NEURL1: variants seen among roughly 807,000 people sequenced by gnomAD.
The protein encoded by NEURL1 is E3 ubiquitin-protein ligase NEURL1.
NEURL1 carries 26 observed loss-of-function variants against 41.2 expected under a neutral mutation model. That is an observed-to-expected ratio of 0.63 (90% CI 0.46 to 0.87). The LOEUF (loss-of-function observed/expected upper bound fraction) is 0.87. Among genes scored for constraint, NEURL1 ranks in the 40% least tolerant of loss-of-function variants. The pLI, the probability that NEURL1 is intolerant of heterozygous loss-of-function variation, is 0.00. For synonymous variants in NEURL1, 400 were observed against 402.3 expected (o/e 0.99, Z 0.07); for missense variants, 761 against 871.1 (o/e 0.87, Z 1.59).
chr10:103,548,842 G>A (rs993992416), intron 1 of NEURL1, among the ~76,000 whole-genome samples: 3 of 152,160 alleles, frequency 2.0e-5, no homozygotes, highest in African/African-American at 4.8e-5. Context: ...AGAAGAGATG[G>A]TGGAGCCTCA....
rs796658971 is a variant in NEURL1 at position 103,566,982 on chromosome 10, CTTTT to C, written c.86-3879_86-3876del. On this transcript the variant is annotated intron_variant, in intron 1 of 5. Transcript: ENST00000369780. This position sits in a 1 kb window ranked among gnomAD's most constrained non-coding sequence, Gnocchi z 4.2. ...GAAACTTTGTTTCTTTTCTTTCTTT[CTTTT>C]TTTTTTTTTTGTTTGAGACAGAGTC... is the stretch of plus-strand genomic sequence containing the variant. 7.0e-6 allele frequency among the ~76,000 whole-genome samples: 1 copy of C among 142,446 alleles called. No homozygotes were observed. The highest frequency in any genetic ancestry group is 1.5e-5 in the Non-Finnish European group (1 of 64,740). 93.5% of individuals were successfully genotyped at this position (142,446 alleles called of 152,430 possible).
intron 1 of NEURL1, among the ~76,000 whole-genome samples, chr10:103,561,257 T>C (rs2035285895): frequency 6.6e-6 from 1 of 150,986 alleles, no homozygotes; most frequent in African/African-American, 2.4e-5. Flanking sequence ...ACTTCCTCTG[T>C]ATTCCTTTTT....
At position 103,545,527 on chromosome 10, in the gene NEURL1, C is replaced by T. The variant is rs1289369590; in HGVS notation, c.86-25345C>T. Reference sequence around the variant, plus strand: ...GGCACTGCATGGACCCCATTACTCACAGGTACCTCTGTGCCTGGGGATCTT... The same window carrying T: ...GGCACTGCATGGACCCCATTACTCATAGGTACCTCTGTGCCTGGGGATCTT... On this transcript the variant is annotated intron_variant, in intron 1 of 5. Transcript: ENST00000369780. The surrounding 1 kb of genome is among the most constrained non-coding windows in gnomAD (Gnocchi z 4.5). Among the ~76,000 whole-genome samples, 1 of 152,190 alleles carries T rather than the reference C, an allele frequency of 6.6e-6. No individual in the cohort carries two copies. Among genetic ancestry groups the T allele is most frequent in the East Asian group, 1.9e-4 (1 of 5,206 alleles).
At chr10:103,540,366 T>G (rs2034794620) in intron 1 of NEURL1, among the ~76,000 whole-genome samples, 1 of 152,162 alleles carries the variant, frequency 6.6e-6, no homozygotes, top group Non-Finnish European at 1.5e-5. Flanking sequence ...CTCAGCTCAC[T>G]GCAACCTCTA....
At chr10:103,569,215 A>C (rs539175742) in intron 1 of NEURL1, among the ~76,000 whole-genome samples, 13 of 152,374 alleles carry the variant, frequency 8.5e-5, no homozygotes. Flanking sequence ...GAAGCCCTGC[A>C]GTTGCTCCAT....
chr10:103,498,699 A>T (rs1179817887), intron 1 of NEURL1, among the ~76,000 whole-genome samples: 1 of 152,124 alleles, frequency 6.6e-6, no homozygotes, highest in South Asian at 2.1e-4. Flanking sequence ...CACTCCTGTT[A>T]CCCTCTCCCC....
chr10:103,587,933 A>G (rs1237927320), intron 4 of NEURL1, among the ~76,000 whole-genome samples: 1 of 152,216 alleles, frequency 6.6e-6, no homozygotes, highest in African/African-American at 2.4e-5. Flanking sequence ...AAAAGATCTC[A>G]TTGGGCACTT....
chr10:103,501,618 TTTATTA>T (rs58396329), intron 1 of NEURL1, among the ~76,000 whole-genome samples: 9 of 142,596 alleles, frequency 6.3e-5, no homozygotes, highest in African/African-American at 7.8e-5. Flanking sequence ...TCCCACTTTA[TTTATTA>T]TTATTATTAT....
intron 1 of NEURL1, among the ~76,000 whole-genome samples, chr10:103,563,830 G>C (rs2035359236): frequency 6.6e-6 from 1 of 152,204 alleles, no homozygotes; most frequent in South Asian, 2.1e-4. Flanking sequence ...AGGTTTGGAG[G>C]CAGCCAGCCC....
intron 3 of NEURL1, among the ~76,000 whole-genome samples, chr10:103,573,423 A>G (rs2035590899): frequency 6.6e-6 from 1 of 152,094 alleles, no homozygotes; most frequent in African/African-American, 2.4e-5. Flanking sequence ...GTGGGGCTAA[A>G]TGCTTTCTCG....
chr10:103,508,812 C>A lies in NEURL1; in HGVS notation c.85+14340C>A, dbSNP rs1387167029. ...TAGGGCTCTGTGTGCATGAGGGAGTCCTGCCTCCTTCACAGCAAAATGTGA... is the reference window on the plus strand; with the variant it reads ...TAGGGCTCTGTGTGCATGAGGGAGTACTGCCTCCTTCACAGCAAAATGTGA... On this transcript the variant is annotated intron_variant, in intron 1 of 5. Transcript: ENST00000369780. This position sits in a 1 kb window ranked among gnomAD's most constrained non-coding sequence, Gnocchi z 4.3. Among the ~76,000 whole-genome samples, 1 of 152,174 alleles carries A rather than the reference C, an allele frequency of 6.6e-6. No individual in the cohort carries two copies. The highest frequency in any genetic ancestry group is 2.4e-5 in the African/African-American group (1 of 41,434).
chr10:103,535,590 G>C (rs977373008), intron 1 of NEURL1, among the ~76,000 whole-genome samples: 6 of 152,258 alleles, frequency 3.9e-5, no homozygotes, highest in Middle Eastern at 3.4e-3. Flanking sequence ...CCAAGGTACT[G>C]TTTTCTGGGA....
chr10:103,579,887 A>G (rs900607940), intron 3 of NEURL1, among the ~76,000 whole-genome samples: 4 of 148,424 alleles, frequency 2.7e-5, no homozygotes, highest in Middle Eastern at 6.9e-3. Context: ...GGATGCAGTG[A>G]GTGAGCCTAG....
intron 1 of NEURL1, among the ~76,000 whole-genome samples, chr10:103,499,259 G>A (rs928199674): frequency 3.3e-5 from 5 of 152,198 alleles, no homozygotes; most frequent in South Asian, 2.1e-4. Flanking sequence ...GGTTGACTAA[G>A]GGTCTTGATT....
chr10:103,584,748 G>C lies in NEURL1; in HGVS notation c.862G>C (p.Ala288Pro). ...LNSQHSRALP[A>P]QLDGDLRFHA... is the part of the protein sequence containing the mutation. The stretch of plus-strand genomic sequence containing the variant: ...CTCGCAGCACAGCCGCGCGCTGCCG[G>C]CGCAGCTCGACGGCGACCTGCGTTT... Residue 288 changes from alanine to proline, a missense_variant, in exon 4 of 6, where the codon GCG becomes CCG. This residue lies in a region of NEURL1 where 443 missense variants were observed against 408.1 expected (regional missense o/e 1.09). Coordinates refer to ENST00000369780, the MANE Select transcript of NEURL1 (RefSeq NM_004210.5). The C allele has an allele frequency of 6.8e-7, 1 of 1,461,738 alleles. No individual in the cohort carries two copies. Among genetic ancestry groups the C allele is most frequent in the Non-Finnish European group, 9.0e-7 (1 of 1,111,908 alleles). 90.5% of individuals were successfully genotyped at this position (1,461,738 alleles called of 1,614,324 possible). A position where few individuals can be genotyped will look rare whatever the true frequency, so the allele number is the denominator to read the frequency against.
chr10:103,590,361 C>A lies in NEURL1; in HGVS notation c.1714C>A (p.Arg572Ser). ...RPIKDIIKTY[R>S]SS ...CATCAAGGACATCATCAAGACCTAC[C>A]GCAGCTCCTAGCCCGTTGCGGTGGC... Residue 572 changes from arginine (R) to serine (S), a missense_variant, in exon 6 of 6, where the codon CGC (arginine) becomes AGC (serine). Physicochemically the swap from Arg to Ser is moderately radical, Grantham distance 110. Transcript: ENST00000369780. 1 of 1,613,720 alleles carries A rather than the reference C, an allele frequency of 6.2e-7. No homozygotes were observed.
chr10:103,556,410 T>G lies in NEURL1; in HGVS notation c.86-14462T>G, dbSNP rs947120855. Among the ~76,000 whole-genome samples the G allele has an allele frequency of 5.3e-5, 8 of 151,984 alleles. No individual in the cohort carries two copies. The highest frequency in any genetic ancestry group is 2.6e-4 in the Admixed American group (4 of 15,264). ...TGACGCACTCCCCTATGTACCCTGCTCCCTGCTTGGATGGGGTATTAGGAG... is the reference window on the plus strand; with the variant it reads ...TGACGCACTCCCCTATGTACCCTGCGCCCTGCTTGGATGGGGTATTAGGAG... On this transcript the variant is annotated intron_variant, in intron 1 of 5. Transcript: ENST00000369780. The surrounding 1 kb of genome is among the most constrained non-coding windows in gnomAD (Gnocchi z 4.4).
At chr10:103,564,861 C>T (rs2035383385) in intron 1 of NEURL1, among the ~76,000 whole-genome samples, 1 of 152,114 alleles carries the variant, frequency 6.6e-6, no homozygotes, top group Non-Finnish European at 1.5e-5. Context: ...CACTCCCTGC[C>T]TCCAAGATTT....
intron 1 of NEURL1, among the ~76,000 whole-genome samples, chr10:103,497,096 C>T (rs1171267732): frequency 6.6e-6 from 1 of 152,218 alleles, no homozygotes; most frequent in African/African-American, 2.4e-5. Flanking sequence ...CCAAGGTCCA[C>T]TGATCCTCCT....
Sources: allele counts gnomAD v4.1 joint callset (sites outside exome capture counted in the v4.1 genomes callset), GRCh38; gene constraint gnomAD v4.1.1; regional missense constraint gnomAD v4.1.1; non-coding constraint Gnocchi (gnomAD v3.1); transcripts MANE v1.5; gene names NCBI Gene and HGNC (gene_info 2026-07-23, HGNC 2026-07-21).